Variants in ERC2 observed in about 807,000 individuals in gnomAD.
The protein encoded by ERC2 is ERC protein 2.
A neutral mutation model predicts 114.8 loss-of-function variants in ERC2; 42 were observed. That is an observed-to-expected ratio of 0.37 (90% CI 0.29 to 0.47). The LOEUF is 0.47. ERC2 is among the 20% of genes least tolerant of loss of function. ERC2 has a pLI of 0.99. For missense variants in ERC2, 939 were observed against 1,150.7 expected, an observed-to-expected ratio of 0.82 and a Z score of 2.66; for synonymous variants, 454 against 425.5, an observed-to-expected ratio of 1.07 and a Z score of -0.82.
At chr3:55,943,246 A>T (rs1459310125) in intron 13 of ERC2, among the ~76,000 whole-genome samples, 1 of 152,050 alleles carries the variant, frequency 6.6e-6, no homozygotes, top group African/African-American at 2.4e-5. Context: ...TGCTGTCAGA[A>T]TTTTTTTCTT....
At chr3:55,781,666 G>A (rs1488083395) in intron 14 of ERC2, among the ~76,000 whole-genome samples, 1 of 151,860 alleles carries the variant, frequency 6.6e-6, no homozygotes. Flanking sequence ...GAGGTCAGGA[G>A]TTCAAGACCA....
At chr3:55,757,330 G>C (rs2148985401) in intron 14 of ERC2, among the ~76,000 whole-genome samples, 1 of 152,148 alleles carries the variant, frequency 6.6e-6, no homozygotes, top group East Asian at 1.9e-4. Flanking sequence ...AAAGAAATCT[G>C]AGAACTGGAA....
intron 1 of ERC2, among the ~76,000 whole-genome samples, chr3:56,440,840 T>A (rs892622960): frequency 6.6e-6 from 1 of 152,228 alleles, no homozygotes; most frequent in Non-Finnish European, 1.5e-5. Context: ...ATTTCCCACT[T>A]AACATAGATG....
intron 3 of ERC2, among the ~76,000 whole-genome samples, chr3:56,215,605 A>T (rs1274137167): frequency 6.6e-6 from 1 of 152,178 alleles, no homozygotes; most frequent in African/African-American, 2.4e-5. Flanking sequence ...GTTAACAAGG[A>T]TATCCAGGAA....
intron 17 of ERC2, among the ~76,000 whole-genome samples, chr3:55,539,160 G>A (rs1269507129): frequency 3.3e-5 from 5 of 152,076 alleles, no homozygotes; most frequent in Admixed American, 3.3e-4. Flanking sequence ...GAGCTACTAG[G>A]CATGAAAGAA....
intron 14 of ERC2, among the ~76,000 whole-genome samples, chr3:55,881,625 T>A (rs2063121395): frequency 1.3e-5 from 2 of 152,176 alleles, no homozygotes; most frequent in South Asian, 2.1e-4. Flanking sequence ...GATTTTTAAG[T>A]ACTGTATCTC....
rs546794031 is a variant in ERC2 at position 55,851,762 on chromosome 3, AAAAAAAG to A, written c.2564+36620_2564+36626del. ...CACAACAAAACTGCATGAGAAAAAAAAAAAAAGAATCCTTTGGATCACATGGGTGTCA... is the reference window on the plus strand; with the variant it reads ...CACAACAAAACTGCATGAGAAAAAAAAATCCTTTGGATCACATGGGTGTCA... On this transcript the variant is annotated intron_variant, in intron 14 of 17. Transcript: ENST00000288221. Among the ~76,000 whole-genome samples the A allele has an allele frequency of 2.9e-3, 443 of 152,298 alleles. 4 individuals carry two copies. Among genetic ancestry groups the A allele is most frequent in the African/African-American group, 0.01 (421 of 41,564 alleles).
At chr3:55,912,843 CA>C (rs888898601) in intron 13 of ERC2, among the ~76,000 whole-genome samples, 1 of 152,026 alleles carries the variant, frequency 6.6e-6, no homozygotes, top group Non-Finnish European at 1.5e-5. Context: ...GAAAGAAAAG[CA>C]AAACAAAATC....
At chr3:56,286,515 TC>T (rs1436538902) in intron 3 of ERC2, among the ~76,000 whole-genome samples, 2 of 151,080 alleles carry the variant, frequency 1.3e-5, no homozygotes, top group Non-Finnish European at 2.9e-5. Flanking sequence ...GATTTGATCC[TC>T]TAAATATAAC....
chr3:56,047,753 C>T (rs2075548506), intron 7 of ERC2, among the ~76,000 whole-genome samples: 1 of 152,188 alleles, frequency 6.6e-6, no homozygotes, highest in African/African-American at 2.4e-5. Context: ...TTTATGCTTA[C>T]ATTTCCACAG....
intron 1 of ERC2, among the ~76,000 whole-genome samples, chr3:56,459,592 C>T (rs1349031938): frequency 6.6e-6 from 1 of 151,972 alleles, no homozygotes; most frequent in Non-Finnish European, 1.5e-5. Flanking sequence ...AATGTAGACT[C>T]TGAAAAATAA....
At chr3:55,733,460 T>TCA (rs1426763349) in intron 15 of ERC2, among the ~76,000 whole-genome samples, 8 of 96,696 alleles carry the variant, frequency 8.3e-5, no homozygotes, top group Non-Finnish European at 7.3e-5. Context: ...ATTCTCTCTC[T>TCA]CTCTCACACA....
chr3:56,137,346 T>G (rs1575554888), intron 6 of ERC2, among the ~76,000 whole-genome samples: 1 of 152,202 alleles, frequency 6.6e-6, no homozygotes, highest in African/African-American at 2.4e-5. Flanking sequence ...TACAAGCAGT[T>G]GCTTTTTGAA....
intron 15 of ERC2, among the ~76,000 whole-genome samples, chr3:55,710,359 C>G (rs1033886195): frequency 6.6e-6 from 1 of 152,140 alleles, no homozygotes; most frequent in Non-Finnish European, 1.5e-5. Context: ...AACTTACCCC[C>G]CCAAAGAAGA....
At chr3:56,447,182 C>T (rs1327406236) in intron 1 of ERC2, among the ~76,000 whole-genome samples, 1 of 152,238 alleles carries the variant, frequency 6.6e-6, no homozygotes, top group Non-Finnish European at 1.5e-5. Context: ...TGTGTCTGAG[C>T]TTGGCCACGG....
chr3:56,258,596 G>A (rs1331309561), intron 3 of ERC2, among the ~76,000 whole-genome samples: 1 of 152,250 alleles, frequency 6.6e-6, no homozygotes, highest in Non-Finnish European at 1.5e-5. Flanking sequence ...GGAGCTTGTA[G>A]TGAGCCAAGA....
At chr3:55,516,783 A>G (rs1263764132) in intron 17 of ERC2, among the ~76,000 whole-genome samples, 1 of 152,206 alleles carries the variant, frequency 6.6e-6, no homozygotes, top group East Asian at 1.9e-4. Context: ...TGTCATTATT[A>G]TTGTGGTCAG....
At chr3:56,293,408 A>C (rs1200134565) in intron 3 of ERC2, among the ~76,000 whole-genome samples, 2 of 152,216 alleles carry the variant, frequency 1.3e-5, no homozygotes, top group African/African-American at 4.8e-5. Flanking sequence ...AGTCCCTAAG[A>C]GTAGCATCTT....
intron 13 of ERC2, among the ~76,000 whole-genome samples, chr3:55,895,955 T>C (rs968934128): frequency 2.6e-5 from 4 of 152,172 alleles, no homozygotes; most frequent in Admixed American, 6.5e-5. Context: ...AGGCCCTATG[T>C]TCGCTGCCAC....
Sources: allele counts gnomAD v4.1 joint callset (sites outside exome capture counted in the v4.1 genomes callset), GRCh38; gene constraint gnomAD v4.1.1; transcripts MANE v1.5; gene names NCBI Gene and HGNC (gene_info 2026-07-23, HGNC 2026-07-21).